STAB1: variants seen among roughly 807,000 people sequenced by gnomAD.
The protein encoded by STAB1 is stabilin 1.
Under a neutral mutation model 332.4 loss-of-function variants are expected in STAB1, and 250 were observed. That is an observed-to-expected ratio of 0.75 (90% CI 0.68 to 0.84). The LOEUF (loss-of-function observed/expected upper bound fraction) is 0.84. Among genes scored for constraint, STAB1 ranks in the 40% least tolerant of loss-of-function variants. The probability of loss-of-function intolerance (pLI) is 0.00; values close to 1 mark genes in which losing one functional copy is unlikely to be tolerated. For synonymous variants in STAB1, 1,475 were observed against 1,390.4 expected (o/e 1.06, Z -1.35); for missense variants, 3,249 against 3,489.7 (o/e 0.93, Z 1.74).
rs1486968825 is a variant in STAB1 at position 52,505,343 on chromosome 3, T to C, written c.1543T>C (p.Ser515Pro). 1 of 1,613,524 alleles carries C rather than the reference T, an allele frequency of 6.2e-7. No homozygotes were observed. Among genetic ancestry groups the C allele is most frequent in the Non-Finnish European group, 8.5e-7 (1 of 1,179,940 alleles). The change falls in exon 14 of 69, where the codon TCT becomes CCT. Residue 515 changes from serine (S) to proline (P), a missense_variant. Transcript: ENST00000321725. ...PKRTIGQILA[S>P]TEAFSRFETI... The stretch of plus-strand genomic sequence containing the variant: ...GAGAACTATCGGACAGATCCTCGCC[T>C]CTACCGAGGCCTTCAGCCGCTTTGA...
chr3:52,497,541 T>C (rs189579128), intron 1 of STAB1, among the ~76,000 whole-genome samples: 2 of 150,932 alleles, frequency 1.3e-5, no homozygotes, highest in East Asian at 3.9e-4. Context: ...GCCTCCCAAG[T>C]AGCTGGGACT....
In STAB1 at chr3:52,523,888, T is replaced by C. The variant is rs2079171412; in HGVS notation, c.7413T>C (p.Pro2471=). 2 of 1,604,248 alleles carry C rather than the reference T, an allele frequency of 1.2e-6. No homozygotes were observed. The highest frequency in any genetic ancestry group is 2.7e-5 in the African/African-American group (2 of 74,852). The part of the protein sequence containing the change: ...APPQPQAVLA[P]EAPPVAAGVG... The stretch of plus-strand genomic sequence containing the variant: ...GTTTGTAGCAGGCAGTGCTGGCGCC[T>C]GAAGCCCCACCTGTGGCGGCAGGCG... The change falls in exon 67 of 69, where the codon CCT becomes CCC. Residue 2471 remains proline, a synonymous_variant. Coordinates refer to ENST00000321725, the MANE Select transcript of STAB1 (RefSeq NM_015136.3).
chr3:52,518,332 T>C lies in STAB1; in HGVS notation c.4782T>C (p.His1594=). 1 of 1,612,870 alleles carries C rather than the reference T, an allele frequency of 6.2e-7. No individual in the cohort carries two copies. Among genetic ancestry groups the C allele is most frequent in the East Asian group, 2.2e-5 (1 of 44,884 alleles). ...RVGLELLRDK[H]ASFFSLRLLE... ...CCCAGGAGCTCCTGAGGGATAAGCATGCCTCATTCTTCAGCCTCCGCCTCC... is the reference window on the plus strand; with the variant it reads ...CCCAGGAGCTCCTGAGGGATAAGCACGCCTCATTCTTCAGCCTCCGCCTCC... The change falls in exon 46 of 69, where the codon CAT becomes CAC. Residue 1594 remains histidine, a synonymous_variant. Transcript: ENST00000321725.
chr3:52,514,069 G>T (rs1185823757), intron 32 of STAB1, 46 bp from the exon 33 acceptor site: 1 of 1,607,272 alleles, frequency 6.2e-7, no homozygotes, highest in East Asian at 2.2e-5. Context: ...CCAGTGTCAG[G>T]ACTGACAACT....
At chr3:52,507,527 C>T in intron 18 of STAB1, 86 bp from the exon 19 acceptor site, 27 of 1,396,324 alleles carry the variant, frequency 1.9e-5, no homozygotes, top group Non-Finnish European at 2.7e-5. Context: ...ATCCCTTAAT[C>T]CCCACTCAAT....
At chr3:52,507,414 T>C (rs975951002) in intron 18 of STAB1, among the ~76,000 whole-genome samples, 199 bp from the exon 19 acceptor site, 5 of 152,246 alleles carry the variant, frequency 3.3e-5, no homozygotes, top group Non-Finnish European at 7.3e-5. Context: ...CTGGCCTCTC[T>C]GCTGTTTTCC....
Position 52,504,049 on chromosome 3 carries a change from G to T in STAB1, c.1044G>T (p.Glu348Asp). ...CCAGCTGTGTGTGCAGGGAAAGCGA[G>T]GTGGGGGATGGGCGTGCCTGCTACG... is the stretch of plus-strand genomic sequence containing the variant. ...GKTSCVCRES[E>D]VGDGRACYGH... Residue 348 changes from glutamate to aspartate, a missense_variant, in exon 10 of 69, where the codon GAG (glutamate) becomes GAT (aspartate). Coordinates refer to ENST00000321725, the MANE Select transcript of STAB1 (RefSeq NM_015136.3). 3.1e-6 allele frequency: 5 copies of T among 1,594,536 alleles called. No individual in the cohort carries two copies. The highest frequency in any genetic ancestry group is 4.3e-6 in the Non-Finnish European group (5 of 1,170,692).
chr3:52,522,706 G>A lies in STAB1; in HGVS notation c.6744+18G>A, dbSNP rs989648249. On this transcript the variant is annotated intron_variant, in intron 61 of 68. Coordinates refer to ENST00000321725, the MANE Select transcript of STAB1 (RefSeq NM_015136.3). ...CCCAGCAGGTGTGTGGGGCCCAGAA[G>A]TTGGGGCCAAGTGTTGGGGGAGGCC... The A allele has an allele frequency of 1.9e-6, 3 of 1,612,788 alleles. No homozygotes were observed. The highest frequency in any genetic ancestry group is 2.5e-6 in the Non-Finnish European group (3 of 1,179,958).
At position 52,516,071 on chromosome 3, in the gene STAB1, G is replaced by T; in HGVS notation, c.3977G>T (p.Gly1326Val). Residue 1326 changes from glycine (G) to valine (V), a missense_variant, in exon 38 of 69, where the codon GGC becomes GTC. Gly to Val is a moderately radical substitution (Grantham distance 109). Transcript: ENST00000321725. ...CCGGACTGCTGCCCTGGTTTCTTTG[G>T]CACGCTGTGTGAGCCATGCCCAGGG... is the stretch of plus-strand genomic sequence containing the variant. ...QVPDCCPGFFGTLCEPCPGGL... is the reference protein window; with the variant it reads ...QVPDCCPGFFVTLCEPCPGGL... The T allele has an allele frequency of 1.9e-6, 3 of 1,611,036 alleles. No homozygotes were observed. Among genetic ancestry groups the T allele is most frequent in the Non-Finnish European group, 2.5e-6 (3 of 1,178,890 alleles).
intron 1 of STAB1, among the ~76,000 whole-genome samples, chr3:52,496,734 G>A (rs772588881): frequency 7.9e-5 from 12 of 152,182 alleles, no homozygotes; most frequent in Non-Finnish European, 1.6e-4. Flanking sequence ...TCATGCTCTG[G>A]GCAGTGAGGA....
Position 52,518,708 on chromosome 3 carries a change from G to C in STAB1, c.4888-15G>C. 1 of 1,612,164 alleles carries C rather than the reference G, an allele frequency of 6.2e-7. No homozygotes were observed. The highest frequency in any genetic ancestry group is 8.5e-7 in the Non-Finnish European group (1 of 1,179,530). On this transcript the variant is annotated splice_polypyrimidine_tract_variant and intron_variant, in intron 47 of 68. Coordinates refer to ENST00000321725, the MANE Select transcript of STAB1 (RefSeq NM_015136.3). Reference sequence around the variant, plus strand: ...GGCAGTCAGGGACCCCACTCCCCTCGCGACTCTGCTCCAGGATGAGCTGGC... The same window carrying C: ...GGCAGTCAGGGACCCCACTCCCCTCCCGACTCTGCTCCAGGATGAGCTGGC...
At chr3:52,504,354 AT>A in intron 10 of STAB1, 106 bp from the exon 11 acceptor site, 1 of 1,387,894 alleles carries the variant, frequency 7.2e-7, no homozygotes, top group Non-Finnish European at 1.0e-6. Context: ...TCTAGGGAGA[AT>A]ACCCCCACCC....
Position 52,503,323 on chromosome 3 carries a change from GCT to G in STAB1, c.695-12_695-11del. ...GCTCCTGGGTGCTTGGCTCACTTGG[GCT>G]CTCTCTCTGCCCTGGCAGCCCCCAA... On this transcript the variant is annotated intron_variant, in intron 7 of 68. Coordinates refer to ENST00000321725, the MANE Select transcript of STAB1 (RefSeq NM_015136.3). 6.3e-7 allele frequency: 1 copy of G among 1,594,130 alleles called. No homozygotes were observed. Among genetic ancestry groups the G allele is most frequent in the Non-Finnish European group, 8.6e-7 (1 of 1,168,838 alleles).
chr3:52,505,519 T>C, intron 14 of STAB1, 138 bp downstream of exon 14: 1 of 1,196,586 alleles, frequency 8.4e-7, no homozygotes, highest in Non-Finnish European at 1.2e-6. Flanking sequence ...TCCTCAAGCC[T>C]GAGGTTCTGT....
Position 52,522,636 on chromosome 3 carries a change from A to G in STAB1, c.6692A>G (p.Glu2231Gly). The change falls in exon 61 of 69, where the codon GAA (glutamate) becomes GGA (glycine). Residue 2231 changes from glutamate (E) to glycine (G), a missense_variant. By Grantham distance (98) the Glu-to-Gly change is moderately conservative. Coordinates refer to ENST00000321725, the MANE Select transcript of STAB1 (RefSeq NM_015136.3). Reference sequence around the variant, plus strand: ...TTTTCGGAGGCTGAGGCGGCATGCGAAGCACAGGGAGCCGTCCTTGCTTCA... The same window carrying G: ...TTTTCGGAGGCTGAGGCGGCATGCGGAGCACAGGGAGCCGTCCTTGCTTCA... ...LNFSEAEAACEAQGAVLASFP... is the reference protein window; with the variant it reads ...LNFSEAEAACGAQGAVLASFP... 6.2e-7 allele frequency: 1 copy of G among 1,612,908 alleles called. No individual in the cohort carries two copies. Among genetic ancestry groups the G allele is most frequent in the Non-Finnish European group, 8.5e-7 (1 of 1,180,018 alleles).
chr3:52,496,226 G>A (rs1708013174), intron 1 of STAB1, among the ~76,000 whole-genome samples: 3 of 152,250 alleles, frequency 2.0e-5, no homozygotes, highest in Admixed American at 2.0e-4. Flanking sequence ...CCCTCGGTCA[G>A]GTCCCTGTGA....
chr3:52,509,623 C>T, intron 22 of STAB1: 1 of 598,666 alleles, frequency 1.7e-6, no homozygotes, highest in East Asian at 2.8e-5. Flanking sequence ...AGGTCAGACA[C>T]ACTGAAGAAC....
chr3:52,524,437 G>A lies in STAB1; in HGVS notation c.*81G>A. On this transcript the variant is annotated 3_prime_UTR_variant, in exon 69 of 69. Transcript: ENST00000321725. ...TGTCTGGGTGGATGGGGCAGGAGGG[G>A]CTGAGGGCCTGTCCCAGACAATAAA... 3 of 1,611,956 alleles carry A rather than the reference G, an allele frequency of 1.9e-6. No individual in the cohort carries two copies. The highest frequency in any genetic ancestry group is 2.2e-5 in the South Asian group (2 of 91,068).
In STAB1 at chr3:52,521,388, G is replaced by C; in HGVS notation, c.5936G>C (p.Cys1979Ser). The change falls in exon 56 of 69, where the codon TGT becomes TCT. Residue 1979 changes from cysteine to serine, a missense_variant. Transcript: ENST00000321725. ...TGCCCTGGCGGCCCCAGCAGCCCTT[G>C]TAGTGACCGTGGCGTGTGCATGGAC... ...QACPGGPSSP[C>S]SDRGVCMDGM... 1 of 1,614,000 alleles carries C rather than the reference G, an allele frequency of 6.2e-7. No individual in the cohort carries two copies.
Sources: gnomAD v4.1 joint callset for allele counts (sites outside exome capture counted in the v4.1 genomes callset) on GRCh38, gnomAD v4.1.1 for gene constraint, MANE v1.5 for transcripts, NCBI Gene and HGNC (gene_info 2026-07-23, HGNC 2026-07-21) for gene names.